Variants in FANCL observed in about 807,000 individuals in gnomAD.
FANCL encodes the protein E3 ubiquitin-protein ligase FANCL.
A neutral mutation model predicts 59.4 loss-of-function variants in FANCL; 69 were observed. The ratio of observed to expected loss-of-function variants is 1.16; its 90% confidence interval spans 0.96 to 1.42. The LOEUF is 1.42. FANCL is among the 40% of genes most tolerant of loss of function. The pLI, the probability that FANCL is intolerant of heterozygous loss-of-function variation, is 0.00. For missense variants in FANCL, 519 were observed against 447.2 expected, an observed-to-expected ratio of 1.16 and a Z score of -1.45; for synonymous variants, 180 against 147.1, an observed-to-expected ratio of 1.22 and a Z score of -1.62.
intron 1 of FANCL, among the ~76,000 whole-genome samples, chr2:58,237,747 T>C (rs2104004858): frequency 6.6e-6 from 1 of 152,292 alleles, no homozygotes; most frequent in East Asian, 1.9e-4. Flanking sequence ...ATCCATAAAT[T>C]ATTTGACACT....
chr2:58,162,812 T>C, intron 11 of FANCL, 54 bp downstream of exon 11: 1 of 1,467,214 alleles, frequency 6.8e-7, no homozygotes, highest in South Asian at 1.1e-5. Context: ...AGAGAAGCAT[T>C]TAAACTTCAT....
chr2:58,159,482 CAGATATATTCAAGAAGTCA>C lies in FANCL; in HGVS notation c.*264_*282del. ...GAGCCTCATCAAGATTTTACCAGTC[CAGATATATTCAAGAAGTCA>C]AGATCTCCATCTTGGTATAAATACA... On this transcript the variant is annotated 3_prime_UTR_variant, in exon 14 of 14. Coordinates refer to ENST00000233741, the MANE Select transcript of FANCL (RefSeq NM_018062.4). The C allele has an allele frequency of 6.2e-7, 1 of 1,613,608 alleles. No homozygotes were observed. The highest frequency in any genetic ancestry group is 8.5e-7 in the Non-Finnish European group (1 of 1,179,736).
chr2:58,193,603 C>A (rs1010782593), intron 7 of FANCL, among the ~76,000 whole-genome samples: 3 of 151,982 alleles, frequency 2.0e-5, no homozygotes, highest in African/African-American at 4.8e-5. Flanking sequence ...AACAGTAAGA[C>A]TGCCAACAAA....
At chr2:58,221,376 T>C (rs1032070602) in intron 5 of FANCL, among the ~76,000 whole-genome samples, 2 of 152,186 alleles carry the variant, frequency 1.3e-5, no homozygotes, top group Non-Finnish European at 2.9e-5. Context: ...GGTATGTGGA[T>C]TAAGTTTTAA....
At chr2:58,239,826 G>C (rs1338584919) in intron 1 of FANCL, among the ~76,000 whole-genome samples, 1 of 152,136 alleles carries the variant, frequency 6.6e-6, no homozygotes, top group Non-Finnish European at 1.5e-5. Context: ...GTAAACTGGT[G>C]AATCTAGGTA....
At position 58,226,775 on chromosome 2, in the gene FANCL, G is replaced by A. The variant is rs1693047999; in HGVS notation, c.226C>T (p.His76Tyr). 2 of 1,612,610 alleles carry A rather than the reference G, an allele frequency of 1.2e-6. No homozygotes were observed. Among genetic ancestry groups the A allele is most frequent in the Non-Finnish European group, 1.7e-6 (2 of 1,179,038 alleles). Residue 76 changes from histidine to tyrosine, a missense_variant, in exon 4 of 14, where the codon CAC becomes TAC. Transcript: ENST00000233741. ...ATAAAGCTCATTAGATCAGGAGAGT[G>A]CTGCATTCTCTAGATCAAAATATTT... ...YHRIVQQRMQ[H>Y]SPDLMSFMME...
intron 5 of FANCL, among the ~76,000 whole-genome samples, chr2:58,211,673 T>C (rs894556062): frequency 6.6e-6 from 1 of 152,198 alleles, no homozygotes; most frequent in African/African-American, 2.4e-5. Context: ...AAGTCACCTC[T>C]TCAATGTTTT....
chr2:58,178,497 T>C (rs1205183530), intron 7 of FANCL, among the ~76,000 whole-genome samples: 3 of 152,094 alleles, frequency 2.0e-5, no homozygotes, highest in African/African-American at 4.8e-5. Context: ...ATTATCTCAA[T>C]AGATGCAGAA....
At chr2:58,172,931 G>C (rs1185731798) in intron 7 of FANCL, among the ~76,000 whole-genome samples, 2 of 152,164 alleles carry the variant, frequency 1.3e-5, no homozygotes, top group Non-Finnish European at 2.9e-5. Context: ...CCAATACAGA[G>C]AAGTGCTTAA....
At chr2:58,212,137 T>C (rs371718569) in intron 5 of FANCL, among the ~76,000 whole-genome samples, 17 of 152,336 alleles carry the variant, frequency 1.1e-4, no homozygotes, top group South Asian at 6.2e-4. Flanking sequence ...AGAGGTTTAA[T>C]TGGACTTACA....
intron 7 of FANCL, among the ~76,000 whole-genome samples, chr2:58,184,655 T>G (rs1160810472): frequency 3.3e-5 from 5 of 151,986 alleles, no homozygotes; most frequent in Non-Finnish European, 7.4e-5. Flanking sequence ...AAACAACCCT[T>G]AAACATACAT....
In FANCL at chr2:58,189,416, C is replaced by CA. The variant is rs558181379; in HGVS notation, c.540+9177dup. 2.3e-3 allele frequency among the ~76,000 whole-genome samples: 354 copies of CA among 152,150 alleles called. 1 individual carries two copies. Among genetic ancestry groups the CA allele is most frequent in the Non-Finnish European group, 4.1e-3 (276 of 67,992 alleles). Reference sequence around the variant, plus strand: ...AAACACAAAATAGTAACAATCCTCACAGTAAGGACAAAGAATGCAGAAGAG... The same window carrying CA: ...AAACACAAAATAGTAACAATCCTCACAAGTAAGGACAAAGAATGCAGAAGAG... On this transcript the variant is annotated intron_variant, in intron 7 of 13. Transcript: ENST00000233741.
chr2:58,228,750 A>G (rs1038428632), intron 3 of FANCL, among the ~76,000 whole-genome samples: 7 of 152,236 alleles, frequency 4.6e-5, no homozygotes, highest in African/African-American at 1.7e-4. Flanking sequence ...GAAGACTTTA[A>G]CACTGGGTTC....
intron 9 of FANCL, 113 bp from the exon 10 acceptor site, chr2:58,163,187 G>T: frequency 2.0e-6 from 2 of 986,922 alleles, no homozygotes; most frequent in East Asian, 2.6e-5. Flanking sequence ...AAAATTATAT[G>T]TATTATGTTA....
At position 58,241,204 on chromosome 2, in the gene FANCL, C is replaced by T. The variant is rs752302198; in HGVS notation, c.96+14G>A. On this transcript the variant is annotated intron_variant, in intron 1 of 13. Coordinates refer to ENST00000233741, the MANE Select transcript of FANCL (RefSeq NM_018062.4). The stretch of plus-strand genomic sequence containing the variant: ...GAGGCTCTCTTAGCTAGAAAGCAAC[C>T]ACTGGGCGGGTACCTGAGCCGAGAT... 35 of 1,613,868 alleles carry T rather than the reference C, an allele frequency of 2.2e-5. No homozygotes were observed. Among genetic ancestry groups the T allele is most frequent in the Non-Finnish European group, 2.9e-5 (34 of 1,179,816 alleles).
At chr2:58,225,623 A>C (rs1692924988) in intron 4 of FANCL, among the ~76,000 whole-genome samples, 1 of 152,038 alleles carries the variant, frequency 6.6e-6, no homozygotes, top group Non-Finnish European at 1.5e-5. Context: ...CATGTAATAT[A>C]ATAAATACAG....
intron 3 of FANCL, among the ~76,000 whole-genome samples, chr2:58,228,809 T>C (rs1039662355): frequency 6.6e-6 from 1 of 152,222 alleles, no homozygotes; most frequent in Non-Finnish European, 1.5e-5. Context: ...GGGATTTTTT[T>C]CTAGGAATCC....
intron 5 of FANCL, among the ~76,000 whole-genome samples, chr2:58,208,911 C>A (rs1418891935): frequency 6.6e-6 from 1 of 152,128 alleles, no homozygotes; most frequent in African/African-American, 2.4e-5. Context: ...GTAGTCAAGA[C>A]CCCTCTGTTT....
chr2:58,169,945 G>A (rs1478562666), intron 7 of FANCL, among the ~76,000 whole-genome samples: 1 of 152,192 alleles, frequency 6.6e-6, no homozygotes. Context: ...GCCTGAAAGT[G>A]ATGGGGAGAG....
Sources: allele counts gnomAD v4.1 joint callset (sites outside exome capture counted in the v4.1 genomes callset), GRCh38; gene constraint gnomAD v4.1.1; transcripts MANE v1.5; gene names NCBI Gene and HGNC (gene_info 2026-07-23, HGNC 2026-07-21).